The following TPO variants were observed in gnomAD, a reference collection of about 807,000 sequenced individuals.
TPO encodes the protein thyroid peroxidase.
TPO carries 78 observed loss-of-function variants against 96.9 expected under a neutral mutation model. That is an observed-to-expected ratio of 0.81 (90% CI 0.67 to 0.97). The LOEUF is 0.97. Among genes scored for constraint, TPO ranks in the 50% least tolerant of loss-of-function variants. The pLI is 0.00. For missense variants in TPO, 1,252 were observed against 1,274.8 expected, an observed-to-expected ratio of 0.98 and a Z score of 0.27; for synonymous variants, 547 against 538.0, an observed-to-expected ratio of 1.02 and a Z score of -0.23.
At chr2:1,505,501 A>C (rs1167402636) in intron 14 of TPO, among the ~76,000 whole-genome samples, 19 of 42,752 alleles carry the variant, frequency 4.4e-4, no homozygotes, top group African/African-American at 9.5e-4. Flanking sequence ...TGTCAGGCAC[A>C]CCCCCACCAC....
At chr2:1,377,858 C>T (rs1661746101) in intron 1 of TPO, among the ~76,000 whole-genome samples, 1 of 152,196 alleles carries the variant, frequency 6.6e-6, no homozygotes, top group South Asian at 2.1e-4. Context: ...GTATGAAGAG[C>T]TTGAGTGGTT....
intron 13 of TPO, among the ~76,000 whole-genome samples, chr2:1,503,391 T>C (rs992951047): frequency 1.3e-5 from 2 of 152,230 alleles, no homozygotes; most frequent in Non-Finnish European, 2.9e-5. Context: ...AAAGGAACAT[T>C]ATTTGAACAA....
chr2:1,540,375 A>T lies in TPO; in HGVS notation c.2619-219A>T, dbSNP rs12619427. Among the ~76,000 whole-genome samples, 77,522 of 152,110 alleles carry T rather than the reference A, an allele frequency of 0.51. 19,866 individuals carry two copies. The highest frequency in any genetic ancestry group is 0.56 in the South Asian group (2,700 of 4,816). On this transcript the variant is annotated intron_variant, in intron 15 of 16. Coordinates refer to ENST00000329066, the MANE Select transcript of TPO (RefSeq NM_001206744.2). Reference sequence around the variant, plus strand: ...TGGAGACAGGGTCCTCTTGGCTGCAAATTCTAAAATCATTTTTCCTATGAA... The same window carrying T: ...TGGAGACAGGGTCCTCTTGGCTGCATATTCTAAAATCATTTTTCCTATGAA...
intron 2 of TPO, among the ~76,000 whole-genome samples, chr2:1,421,809 G>T (rs1395207376): frequency 6.6e-6 from 1 of 152,076 alleles, no homozygotes; most frequent in Non-Finnish European, 1.5e-5. Context: ...CGCCCAGGCC[G>T]CCCCTCCCCT....
intron 3 of TPO, among the ~76,000 whole-genome samples, chr2:1,426,234 G>C (rs1664373802): frequency 6.8e-6 from 1 of 146,590 alleles, no homozygotes; most frequent in Non-Finnish European, 1.5e-5. Flanking sequence ...TAGATGCCGG[G>C]ATACAGAGGT....
chr2:1,526,034 T>G (rs1485108385), intron 15 of TPO, among the ~76,000 whole-genome samples: 2 of 85,718 alleles, frequency 2.3e-5, no homozygotes, highest in African/African-American at 9.4e-5. Flanking sequence ...ATCCGCCCAC[T>G]GTGTGCAACC....
intron 4 of TPO, among the ~76,000 whole-genome samples, chr2:1,434,745 T>C (rs1665386667): frequency 6.6e-6 from 1 of 152,196 alleles, no homozygotes; most frequent in Non-Finnish European, 1.5e-5. Context: ...CTCCATAATT[T>C]AGAATTTTTT....
At chr2:1,510,243 CAG>C (rs148778369) in intron 14 of TPO, among the ~76,000 whole-genome samples, 12,290 of 152,198 alleles carry the variant, frequency 0.081, 662 homozygotes, top group African/African-American at 0.15. Context: ...GCCACATTCA[CAG>C]AGAGGAGCTC....
chr2:1,426,545 G>T (rs1333277190), intron 3 of TPO, among the ~76,000 whole-genome samples: 2 of 152,116 alleles, frequency 1.3e-5, no homozygotes, highest in Non-Finnish European at 2.9e-5. Context: ...CTAGATGCCG[G>T]GATACAGAGA....
intron 13 of TPO, among the ~76,000 whole-genome samples, chr2:1,500,385 T>A (rs1025652228): frequency 1.3e-5 from 2 of 152,210 alleles, no homozygotes; most frequent in Non-Finnish European, 2.9e-5. Flanking sequence ...CAAATGCGTG[T>A]GCACAGATAT....
intron 1 of TPO, among the ~76,000 whole-genome samples, chr2:1,378,732 G>T (rs1000909942): frequency 6.6e-6 from 1 of 152,200 alleles, no homozygotes; most frequent in Non-Finnish European, 1.5e-5. Flanking sequence ...TGGGAATGCC[G>T]TGCACCCGGC....
intron 2 of TPO, among the ~76,000 whole-genome samples, chr2:1,421,590 C>T (rs1663535804): frequency 6.6e-6 from 1 of 152,124 alleles, no homozygotes; most frequent in South Asian, 2.1e-4. Flanking sequence ...TCGTGACTGA[C>T]CACAGAATAC....
chr2:1,386,270 G>T (rs1015393668), intron 1 of TPO, among the ~76,000 whole-genome samples: 1 of 152,108 alleles, frequency 6.6e-6, no homozygotes, highest in Non-Finnish European at 1.5e-5. Context: ...GCATATCCTT[G>T]TTAACTTTCT....
At chr2:1,451,046 C>T (rs762683213) in intron 5 of TPO, among the ~76,000 whole-genome samples, 2 of 152,150 alleles carry the variant, frequency 1.3e-5, no homozygotes, top group Non-Finnish European at 2.9e-5. Flanking sequence ...AGAGAAGTAA[C>T]CATGTCCCCA....
intron 15 of TPO, among the ~76,000 whole-genome samples, chr2:1,535,402 T>C (rs1420823562): frequency 3.2e-5 from 1 of 31,230 alleles, no homozygotes; most frequent in Non-Finnish European, 6.0e-5. Context: ...GTGAGCAACC[T>C]CCCCAAATCC....
chr2:1,388,121 C>G (rs1661931138), intron 1 of TPO, among the ~76,000 whole-genome samples: 1 of 152,228 alleles, frequency 6.6e-6, no homozygotes, highest in South Asian at 2.1e-4. Context: ...TCTGCCCCTA[C>G]TCGGGGGTGC....
rs552269711 is a variant in TPO at position 1,453,083 on chromosome 2, ACTCT to A, written c.483-599_483-596del. Among the ~76,000 whole-genome samples the A allele has an allele frequency of 1.3e-3, 201 of 151,126 alleles. 1 individual carries two copies. The highest frequency in any genetic ancestry group is 4.4e-3 in the African/African-American group (180 of 41,192). ...CAAATCAAACAGCCAAATACAACTG[ACTCT>A]CTCTCTCTCTCAGGAGAGACTTAAC... On this transcript the variant is annotated intron_variant, in intron 5 of 16. Transcript: ENST00000329066.
chr2:1,483,849 C>T (rs1670868464), intron 8 of TPO, among the ~76,000 whole-genome samples: 1 of 152,182 alleles, frequency 6.6e-6, no homozygotes, highest in African/African-American at 2.4e-5. Context: ...TTAGGAAATG[C>T]ATTCTGGCAC....
chr2:1,451,286 T>C (rs1406209425), intron 5 of TPO, among the ~76,000 whole-genome samples: 2 of 152,218 alleles, frequency 1.3e-5, no homozygotes, highest in Admixed American at 6.5e-5. Flanking sequence ...AGTAGAACCT[T>C]AGTCCTTTCA....
Sources: allele counts gnomAD v4.1 joint callset (sites outside exome capture counted in the v4.1 genomes callset), GRCh38; gene constraint gnomAD v4.1.1; transcripts MANE v1.5; gene names NCBI Gene and HGNC (gene_info 2026-07-23, HGNC 2026-07-21).